Variants in NCKAP5 observed in about 807,000 individuals in gnomAD.
NCKAP5 encodes nck-associated protein 5.
A neutral mutation model predicts 167.0 loss-of-function variants in NCKAP5; 92 were observed. The ratio of observed to expected loss-of-function variants is 0.55; its 90% CI spans 0.47 to 0.66. NCKAP5 has a LOEUF of 0.66. Among genes scored for constraint, NCKAP5 ranks in the 30% least tolerant of loss-of-function variants. NCKAP5 has a pLI of 0.00. For missense variants in NCKAP5, 2,378 were observed against 2,315.0 expected, an observed-to-expected ratio of 1.03 and a Z score of -0.56; for synonymous variants, 891 against 877.4, an observed-to-expected ratio of 1.02 and a Z score of -0.27.
chr2:132,767,083 T>C (rs959091254), intron 16 of NCKAP5, among the ~76,000 whole-genome samples: 3 of 152,136 alleles, frequency 2.0e-5, no homozygotes, highest in Admixed American at 6.5e-5. Context: ...TTTTCAAAAG[T>C]AGGGTTCTAC....
intron 11 of NCKAP5, among the ~76,000 whole-genome samples, chr2:132,857,634 C>T (rs1447551): frequency 0.25 from 38,664 of 152,008 alleles, 5,256 homozygotes; most frequent in East Asian, 0.45. Context: ...TTTGCTATCC[C>T]GCCATCTCAA....
intron 11 of NCKAP5, among the ~76,000 whole-genome samples, chr2:132,831,901 A>T (rs995717721): frequency 2.0e-5 from 3 of 152,026 alleles, no homozygotes; most frequent in Non-Finnish European, 4.4e-5. Context: ...GCTATAATGA[A>T]TTTTTTAGAA....
At chr2:133,060,933 C>A (rs1449733113) in intron 6 of NCKAP5, among the ~76,000 whole-genome samples, 1 of 152,066 alleles carries the variant, frequency 6.6e-6, no homozygotes, top group Admixed American at 6.5e-5. Flanking sequence ...ATGAATCCAT[C>A]CTCTACAAGC....
At chr2:133,155,655 C>A (rs1045757494) in intron 5 of NCKAP5, among the ~76,000 whole-genome samples, 4 of 152,172 alleles carry the variant, frequency 2.6e-5, no homozygotes, top group African/African-American at 9.7e-5. Context: ...AACATTTAAA[C>A]CAGTAGACTT....
intron 5 of NCKAP5, among the ~76,000 whole-genome samples, chr2:133,144,414 A>C (rs145568296): frequency 8.5e-5 from 13 of 152,264 alleles, no homozygotes; most frequent in South Asian, 2.1e-4. Context: ...TAACAAAAAA[A>C]TAATCAATTC....
chr2:133,166,352 T>C (rs1323039332), intron 5 of NCKAP5, among the ~76,000 whole-genome samples: 1 of 152,250 alleles, frequency 6.6e-6, no homozygotes, highest in African/African-American at 2.4e-5. Flanking sequence ...TTGCTCATTA[T>C]TATATCATGA....
chr2:133,150,273 C>T (rs1453381857), intron 5 of NCKAP5, among the ~76,000 whole-genome samples: 1 of 152,094 alleles, frequency 6.6e-6, no homozygotes, highest in Non-Finnish European at 1.5e-5. Flanking sequence ...CTAGTGTATC[C>T]ATACTATAGC....
chr2:133,024,058 A>C (rs1344536104), intron 6 of NCKAP5, among the ~76,000 whole-genome samples: 1 of 152,212 alleles, frequency 6.6e-6, no homozygotes, highest in African/African-American at 2.4e-5. Flanking sequence ...AAACTATATA[A>C]AAACATTAAA....
chr2:133,513,656 G>T (rs949016415), intron 3 of NCKAP5, among the ~76,000 whole-genome samples: 2 of 152,168 alleles, frequency 1.3e-5, no homozygotes, highest in African/African-American at 4.8e-5. Context: ...GTTGAATTCA[G>T]GGATGTGTGC....
the NCKAP5 span, among the ~76,000 whole-genome samples, chr2:133,649,600 A>ATG: frequency 6.6e-6 from 1 of 152,202 alleles, no homozygotes; most frequent in African/African-American, 2.4e-5. Flanking sequence ...AAATCAATTA[A>ATG]TGTGCTACAC....
At chr2:133,655,760 A>G in the NCKAP5 span, among the ~76,000 whole-genome samples, 1 of 152,236 alleles carries the variant, frequency 6.6e-6, no homozygotes, top group African/African-American at 2.4e-5. Context: ...TAGTAGCAAT[A>G]GATGTTGGCA....
chr2:133,661,275 T>C, the NCKAP5 span, among the ~76,000 whole-genome samples: 1 of 152,130 alleles, frequency 6.6e-6, no homozygotes, highest in Admixed American at 6.5e-5. Flanking sequence ...GAAATCAAAT[T>C]TGATCAACTA....
chr2:133,071,281 T>TA (rs1417675226), intron 6 of NCKAP5, among the ~76,000 whole-genome samples: 1 of 152,086 alleles, frequency 6.6e-6, no homozygotes, highest in South Asian at 2.1e-4. Flanking sequence ...CCGTCTCTAC[T>TA]AAAAATACAA....
intron 6 of NCKAP5, among the ~76,000 whole-genome samples, chr2:133,127,012 C>G (rs920991912): frequency 6.6e-6 from 1 of 152,056 alleles, no homozygotes; most frequent in African/African-American, 2.4e-5. Context: ...AGTAATTTCA[C>G]ATCCCAGATA....
At chr2:132,812,584 A>G (rs1685965093) in intron 11 of NCKAP5, among the ~76,000 whole-genome samples, 1 of 152,128 alleles carries the variant, frequency 6.6e-6, no homozygotes, top group South Asian at 2.1e-4. Flanking sequence ...CCTGCAACAT[A>G]GTATGCTGTG....
At chr2:133,530,417 T>A (rs1214475765) in intron 2 of NCKAP5, among the ~76,000 whole-genome samples, 1 of 152,188 alleles carries the variant, frequency 6.6e-6, no homozygotes, top group Non-Finnish European at 1.5e-5. Flanking sequence ...TTGTCTTCCA[T>A]ATCAACTTGA....
intron 18 of NCKAP5, among the ~76,000 whole-genome samples, chr2:132,728,066 A>G (rs963214502): frequency 6.6e-6 from 1 of 152,212 alleles, no homozygotes; most frequent in Non-Finnish European, 1.5e-5. Flanking sequence ...GTTCTGGAAA[A>G]TGAACCATGT....
chr2:133,441,828 C>A (rs1308604536), intron 3 of NCKAP5, among the ~76,000 whole-genome samples: 1 of 152,262 alleles, frequency 6.6e-6, no homozygotes, highest in East Asian at 1.9e-4. Flanking sequence ...TAAGCGAACT[C>A]TCAGGGAATT....
rs1679213656 is a variant in NCKAP5, at chr2:133,470,859, C to G, written c.69+46599G>C. ...CTTCCCAAGTGAGGCAATGCCTCAC[C>G]CTGCTTTGGCTTGCGCATGGTGCGC... On this transcript the variant is annotated intron_variant, in intron 3 of 19. Coordinates refer to ENST00000409261, the MANE Select transcript of NCKAP5 (RefSeq NM_207363.3). Among the ~76,000 whole-genome samples, 3 of 152,258 alleles carry G rather than the reference C, an allele frequency of 2.0e-5. 1 individual carries two copies. In the South Asian group the frequency reaches 6.2e-4, roughly 31 times the overall value.
Sources: gnomAD v4.1 joint callset for allele counts (sites outside exome capture counted in the v4.1 genomes callset) on GRCh38, gnomAD v4.1.1 for gene constraint, MANE v1.5 for transcripts, NCBI Gene and HGNC (gene_info 2026-07-23, HGNC 2026-07-21) for gene names.